The following ARHGAP32 variants were observed in gnomAD, a reference collection of about 807,000 sequenced individuals.
ARHGAP32 encodes the protein rho GTPase-activating protein 32.
In ARHGAP32, 51 loss-of-function variants were observed where a neutral mutation model predicts 186.5. The observed-to-expected ratio is 0.27, with a 90% CI of 0.22 to 0.35. The LOEUF (loss-of-function observed/expected upper bound fraction) is 0.35. Ranked by LOEUF, ARHGAP32 falls within the 10% of genes least tolerant of loss-of-function variation. ARHGAP32 has a pLI of 1.00. For missense variants in ARHGAP32, 2,186 were observed against 2,623.5 expected (o/e 0.83, Z 3.64); for synonymous variants, 950 against 964.3 (o/e 0.99, Z 0.27).
At chr11:129,279,319 C>G (rs1945580676) in exon 1 of ARHGAP32, 1 of 143,924 alleles carries the variant, frequency 6.9e-6, no homozygotes, top group African/African-American at 2.5e-5. Context: ...GGGGGCTCGG[C>G]CGGGCGTCCC....
intron 11 of ARHGAP32, among the ~76,000 whole-genome samples, chr11:129,020,440 C>T (rs2134887900): frequency 6.6e-6 from 1 of 152,144 alleles, no homozygotes; most frequent in Non-Finnish European, 1.5e-5. Context: ...TTCACAGTTG[C>T]TGGTCATGCC....
At chr11:128,983,591 T>C (rs1437375467) in intron 15 of ARHGAP32, among the ~76,000 whole-genome samples, 1 of 151,850 alleles carries the variant, frequency 6.6e-6, no homozygotes, top group African/African-American at 2.4e-5. Context: ...CATGTATACA[T>C]ATGTAACAAA....
intron 11 of ARHGAP32, among the ~76,000 whole-genome samples, chr11:129,006,306 G>A (rs1282661005): frequency 6.6e-6 from 1 of 152,162 alleles, no homozygotes; most frequent in Non-Finnish European, 1.5e-5. Flanking sequence ...TCTGAGCATT[G>A]AAGAGTCAGG....
intron 2 of ARHGAP32, among the ~76,000 whole-genome samples, chr11:129,160,327 T>C (rs564060623): frequency 2.6e-5 from 4 of 152,292 alleles, no homozygotes; most frequent in South Asian, 2.1e-4. Flanking sequence ...TGTTTGCAGA[T>C]GACGTGATTG....
intron 6 of ARHGAP32, 23 bp from the exon 7 acceptor site, chr11:129,066,891 C>T: frequency 6.4e-7 from 1 of 1,565,128 alleles, no homozygotes; most frequent in Non-Finnish European, 8.7e-7. Context: ...AAAAGAAACT[C>T]ATATAATTCA....
intron 5 of ARHGAP32, among the ~76,000 whole-genome samples, chr11:129,101,221 G>A (rs1033696966): frequency 6.6e-6 from 1 of 152,048 alleles, no homozygotes; most frequent in Non-Finnish European, 1.5e-5. Context: ...ACATCCAAAG[G>A]CCAGCAACCT....
At chr11:129,110,330 T>C (rs1442921128) in intron 5 of ARHGAP32, among the ~76,000 whole-genome samples, 1 of 152,190 alleles carries the variant, frequency 6.6e-6, no homozygotes, top group Non-Finnish European at 1.5e-5. Flanking sequence ...TACCATTCTG[T>C]TCAGGTTACA....
At chr11:129,087,482 A>G (rs567555113) in intron 6 of ARHGAP32, among the ~76,000 whole-genome samples, 1 of 152,348 alleles carries the variant, frequency 6.6e-6, no homozygotes, top group African/African-American at 2.4e-5. Context: ...AAGTGAAAGA[A>G]GCCAATCCAA....
At chr11:129,195,852 C>T (rs1180465058), upstream of ARHGAP32, among the ~76,000 whole-genome samples, 1 of 152,196 alleles carries the variant, frequency 6.6e-6, no homozygotes, top group Admixed American at 6.5e-5. Flanking sequence ...GGAACACAGC[C>T]GAGTCCATCA....
At chr11:129,085,314 G>A (rs1941353657) in intron 6 of ARHGAP32, among the ~76,000 whole-genome samples, 1 of 152,050 alleles carries the variant, frequency 6.6e-6, no homozygotes, top group Non-Finnish European at 1.5e-5. Flanking sequence ...GCATGAGCCA[G>A]CACACAACAA....
At chr11:129,276,366 T>C (rs568124287) in intron 1 of ARHGAP32, among the ~76,000 whole-genome samples, 11 of 152,312 alleles carry the variant, frequency 7.2e-5, no homozygotes, top group African/African-American at 1.9e-4. Context: ...AGTGGCACAA[T>C]GATAGCTCAC....
chr11:129,031,220 T>C (rs1399864179), intron 11 of ARHGAP32, among the ~76,000 whole-genome samples: 1 of 152,230 alleles, frequency 6.6e-6, no homozygotes, highest in African/African-American at 2.4e-5. Context: ...ATATAGTTTC[T>C]GATACTCATG....
chr11:129,061,578 T>C (rs1429214950), intron 10 of ARHGAP32, among the ~76,000 whole-genome samples: 1 of 152,292 alleles, frequency 6.6e-6, no homozygotes, highest in East Asian at 1.9e-4. Context: ...ACAGTCAACC[T>C]GATAACTGAG....
intron 13 of ARHGAP32, 97 bp downstream of exon 13, chr11:128,987,926 T>A: frequency 1.3e-6 from 1 of 799,666 alleles, no homozygotes; most frequent in South Asian, 1.7e-5. Flanking sequence ...AAATTATCTT[T>A]AATGAAAATA....
chr11:129,048,816 T>A (rs1038296626), intron 10 of ARHGAP32, among the ~76,000 whole-genome samples: 4 of 152,170 alleles, frequency 2.6e-5, no homozygotes, highest in Non-Finnish European at 5.9e-5. Context: ...AATTAATTTG[T>A]AATACCTTTC....
chr11:129,184,205 T>C (rs1944110279), intron 1 of ARHGAP32, among the ~76,000 whole-genome samples: 1 of 152,018 alleles, frequency 6.6e-6, no homozygotes, highest in Admixed American at 6.6e-5. Context: ...GGACTAGGGC[T>C]CCTAATGTGG....
In ARHGAP32 at chr11:128,967,484, C is replaced by T. The variant is rs957580573; in HGVS notation, c.*1423G>A. The T allele has an allele frequency of 6.6e-6, 1 of 152,138 alleles. No homozygotes were observed. The highest frequency in any genetic ancestry group is 2.4e-5 in the African/African-American group (1 of 41,418). 9.4% of individuals were successfully genotyped at this position (152,138 alleles called of 1,614,324 possible). On this transcript the variant is annotated 3_prime_UTR_variant, in exon 23 of 23. Transcript: ENST00000682385. Reference sequence around the variant, plus strand: ...ACTCGTTTTGTAAACATAGGACTGCCTTGCTAGTCTGATGTATTTTGGGGG... The same window carrying T: ...ACTCGTTTTGTAAACATAGGACTGCTTTGCTAGTCTGATGTATTTTGGGGG...
chr11:129,198,125 G>C (rs1944416714), intron 1 of ARHGAP32, among the ~76,000 whole-genome samples: 1 of 152,022 alleles, frequency 6.6e-6, no homozygotes, highest in Non-Finnish European at 1.5e-5. Context: ...GTATTCAAAG[G>C]GAGATCTAAC....
At position 128,978,854 on chromosome 11, in the gene ARHGAP32, A is replaced by C; in HGVS notation, c.2038T>G (p.Leu680Val). 6.2e-7 allele frequency: 1 copy of C among 1,612,968 alleles called. No individual in the cohort carries two copies. Residue 680 changes from leucine (L) to valine (V), a missense_variant, in exon 19 of 23, where the codon TTG becomes GTG. Physicochemically the swap from Leu to Val is conservative, Grantham distance 32. This residue lies in a region of ARHGAP32 where 263 missense variants were observed against 323.5 expected (regional missense o/e 0.81). Coordinates refer to ENST00000682385, the MANE Select transcript of ARHGAP32 (RefSeq NM_001378024.1). ...PVGSWRSFFN[L>V]GKSSSVSKRK... ...TTAGAAACAGATGATGATTTCCCCA[A>C]GTTGAAAAAGGAACGCCAGCTACCC...
Sources: gnomAD v4.1 joint callset for allele counts (sites outside exome capture counted in the v4.1 genomes callset) on GRCh38, gnomAD v4.1.1 for gene constraint, gnomAD v4.1.1 regional missense constraint, MANE v1.5 for transcripts, NCBI Gene and HGNC (gene_info 2026-07-23, HGNC 2026-07-21) for gene names.